Variants in ST7 observed in about 807,000 individuals in gnomAD.
The protein encoded by ST7 is suppressor of tumorigenicity 7 protein.
In ST7, 28 loss-of-function variants were observed where a neutral mutation model predicts 78.7. The observed-to-expected ratio is 0.36, with a 90% CI of 0.26 to 0.49. ST7 has a LOEUF of 0.49. ST7 is among the 20% of genes least tolerant of loss of function. The pLI is 0.99. For synonymous variants in ST7, 247 were observed against 249.6 expected (o/e 0.99, Z 0.10); for missense variants, 418 against 696.0 (o/e 0.60, Z 4.49).
chr7:117,205,399 GTTTA>G (rs991582413), intron 12 of ST7, among the ~76,000 whole-genome samples: 10 of 151,352 alleles, frequency 6.6e-5, no homozygotes, highest in African/African-American at 2.2e-4. Flanking sequence ...TTCACATTTT[GTTTA>G]TTTATACTTT....
chr7:116,972,935 C>T (rs143256498), intron 1 of ST7: 5 of 1,253,792 alleles, frequency 4.0e-6, no homozygotes, highest in South Asian at 2.5e-5. Context: ...CTACTGCTCG[C>T]ACTCCGATTC....
intron 2 of ST7, among the ~76,000 whole-genome samples, chr7:117,114,808 A>G (rs739557): frequency 0.077 from 11,660 of 152,214 alleles, 543 homozygotes; most frequent in Middle Eastern, 0.15. Context: ...TCTTGAACAA[A>G]GAGTCTACTT....
intron 1 of ST7, among the ~76,000 whole-genome samples, chr7:117,065,860 C>T (rs575497947): frequency 6.6e-6 from 1 of 152,272 alleles, no homozygotes; most frequent in South Asian, 2.1e-4. Context: ...GTCTTCAAGA[C>T]CCAGCACGTT....
At chr7:117,011,747 A>C (rs895668647) in intron 1 of ST7, among the ~76,000 whole-genome samples, 2 of 152,214 alleles carry the variant, frequency 1.3e-5, no homozygotes. Flanking sequence ...AGGTGACCCG[A>C]GAAGAACTTC....
chr7:117,180,647 C>A (rs1490255643), intron 10 of ST7, among the ~76,000 whole-genome samples: 1 of 152,090 alleles, frequency 6.6e-6, no homozygotes, highest in Non-Finnish European at 1.5e-5. Flanking sequence ...AAGCCATGCT[C>A]TTTTTTGTTG....
chr7:117,163,259 G>A (rs973399923), intron 9 of ST7, among the ~76,000 whole-genome samples: 4 of 152,094 alleles, frequency 2.6e-5, no homozygotes, highest in African/African-American at 9.7e-5. Context: ...ATGTCTCTTC[G>A]ATATACTAAT....
At chr7:117,107,655 C>T (rs1262552933) in intron 2 of ST7, among the ~76,000 whole-genome samples, 14 of 142,488 alleles carry the variant, frequency 9.8e-5, no homozygotes, top group Non-Finnish European at 1.5e-4. Context: ...CTCTTGTTGC[C>T]CAGGCTGGAG....
At chr7:117,113,501 A>G (rs1802601065) in intron 2 of ST7, among the ~76,000 whole-genome samples, 1 of 152,212 alleles carries the variant, frequency 6.6e-6, no homozygotes, top group South Asian at 2.1e-4. Flanking sequence ...TTCTTTTTCT[A>G]ATTGGCCATG....
At chr7:117,085,697 A>G (rs1426459150) in intron 1 of ST7, among the ~76,000 whole-genome samples, 1 of 152,222 alleles carries the variant, frequency 6.6e-6, no homozygotes, top group Non-Finnish European at 1.5e-5. Flanking sequence ...TTTGTAGCAA[A>G]TTGAATATAG....
chr7:117,193,045 C>T (rs922039168), intron 12 of ST7, among the ~76,000 whole-genome samples: 10 of 151,952 alleles, frequency 6.6e-5, no homozygotes, highest in Admixed American at 1.3e-4. Flanking sequence ...TCAGAATTTC[C>T]GTGGGGAACG....
At chr7:117,133,495 GT>G (rs1804530793) in intron 6 of ST7, among the ~76,000 whole-genome samples, 2 of 151,700 alleles carry the variant, frequency 1.3e-5, no homozygotes, top group South Asian at 4.2e-4. Context: ...GAGGGAGAGA[GT>G]TTTGCTTTTT....
At chr7:117,224,206 A>G (rs1793297362) in intron 15 of ST7, among the ~76,000 whole-genome samples, 1 of 152,132 alleles carries the variant, frequency 6.6e-6, no homozygotes, top group Non-Finnish European at 1.5e-5. Context: ...TTCCTATTCT[A>G]TATTGAGGGT....
intron 13 of ST7, among the ~76,000 whole-genome samples, chr7:117,213,412 A>T (rs967923853): frequency 6.6e-6 from 1 of 152,182 alleles, no homozygotes; most frequent in African/African-American, 2.4e-5. Context: ...GATTTAAAAC[A>T]AATTCTTAGT....
At chr7:117,157,959 TAA>T (rs1180584768) in intron 9 of ST7, among the ~76,000 whole-genome samples, 1 of 152,226 alleles carries the variant, frequency 6.6e-6, no homozygotes, top group African/African-American at 2.4e-5. Context: ...GAGGAGGTTA[TAA>T]ATCGTTCTTT....
intron 12 of ST7, among the ~76,000 whole-genome samples, chr7:117,200,273 A>C (rs1165261355): frequency 6.6e-6 from 1 of 152,170 alleles, no homozygotes; most frequent in Non-Finnish European, 1.5e-5. Flanking sequence ...AGCAACCCCA[A>C]GGCCCCCTCT....
chr7:116,979,411 G>A (rs902103551), intron 1 of ST7, among the ~76,000 whole-genome samples: 1 of 152,316 alleles, frequency 6.6e-6, no homozygotes, highest in African/African-American at 2.4e-5. Flanking sequence ...AAATGAAAGT[G>A]AGATCTTTCT....
intron 1 of ST7, among the ~76,000 whole-genome samples, chr7:116,975,068 G>C (rs971739476): frequency 3.9e-5 from 6 of 152,150 alleles, no homozygotes; most frequent in African/African-American, 9.7e-5. Flanking sequence ...AAATACCCGA[G>C]ACTGGGTAAT....
chr7:116,966,243 C>CTTTTTTTT, intron 1 of ST7: 4 of 178,076 alleles, frequency 2.2e-5, no homozygotes, highest in South Asian at 8.4e-5. Context: ...TTTCTTTTTT[C>CTTTTTTTT]TTTCTTTTTT....
chr7:117,226,102 C>A (rs182639392), intron 15 of ST7, among the ~76,000 whole-genome samples: 1 of 152,096 alleles, frequency 6.6e-6, no homozygotes, highest in Non-Finnish European at 1.5e-5. Flanking sequence ...TTATAGTCCT[C>A]GACCTCTTTG....
Sources: allele counts gnomAD v4.1 joint callset (sites outside exome capture counted in the v4.1 genomes callset), GRCh38; gene constraint gnomAD v4.1.1; transcripts MANE v1.5; gene names NCBI Gene and HGNC (gene_info 2026-07-23, HGNC 2026-07-21).